The following CACNG2 variants were observed in gnomAD, a reference collection of about 807,000 sequenced individuals.
CACNG2 encodes voltage-dependent calcium channel gamma-2 subunit.
CACNG2 carries 3 observed loss-of-function variants against 25.9 expected under a neutral mutation model. That is an observed-to-expected ratio of 0.12 (90% CI 0.05 to 0.30). CACNG2 has a LOEUF of 0.30. CACNG2 is among the 10% of genes least tolerant of loss of function. The pLI is 1.00. For synonymous variants in CACNG2, 167 were observed against 173.3 expected (o/e 0.96, Z 0.29); for missense variants, 341 against 432.5 (o/e 0.79, Z 1.88).
chr22:36,684,501 A>G lies in CACNG2; in HGVS notation c.211+17865T>C, dbSNP rs1384330242. On this transcript the variant is annotated intron_variant, in intron 1 of 3. Coordinates refer to ENST00000300105, the MANE Select transcript of CACNG2 (RefSeq NM_006078.5). ...TGTGATGGTGCACCCCTGTAGTCTC[A>G]GCTCCTCAGGAGGCTCAGGTAGGAG... 2.6e-5 allele frequency among the ~76,000 whole-genome samples: 4 copies of G among 151,916 alleles called. No individual in the cohort carries two copies. The East Asian group carries it at 7.7e-4, about 29-fold the overall frequency.
rs1937060219 is a variant in CACNG2, at chr22:36,679,197, C to CTTTCTTTCTTT, written c.211+23168_211+23169insAAAGAAAGAAA. ...TCCTTCCTTCCTTCCTTCCTTCCTT[C>CTTTCTTTCTTT]CTTTCTTTCTTTCTTTCTTTCTTTC... is the stretch of plus-strand genomic sequence containing the variant. On this transcript the variant is annotated intron_variant, in intron 1 of 3. Coordinates refer to ENST00000300105, the MANE Select transcript of CACNG2 (RefSeq NM_006078.5). Among the ~76,000 whole-genome samples the CTTTCTTTCTTT allele has an allele frequency of 2.5e-3, 137 of 54,808 alleles. 2 individuals carry two copies. The highest frequency in any genetic ancestry group is 7.8e-3 in the African/African-American group (113 of 14,484). The allele number at this position is 54,808 out of a possible 152,430, so 36.0% of individuals were successfully genotyped here. A position where few individuals can be genotyped will look rare whatever the true frequency, so the allele number is the denominator to read the frequency against.
intron 1 of CACNG2, among the ~76,000 whole-genome samples, chr22:36,681,912 C>A (rs571240250): frequency 2.0e-5 from 3 of 152,310 alleles, no homozygotes; most frequent in African/African-American, 4.8e-5. Context: ...TTACTCCCCC[C>A]ACTCTCTATT....
intron 1 of CACNG2, among the ~76,000 whole-genome samples, chr22:36,681,723 C>A (rs1569051132): frequency 6.6e-6 from 1 of 152,112 alleles, no homozygotes; most frequent in Non-Finnish European, 1.5e-5. Flanking sequence ...CACCAATGAC[C>A]AACCTGAAAA....
intron 1 of CACNG2, among the ~76,000 whole-genome samples, chr22:36,632,485 TC>T (rs1936289496): frequency 6.6e-6 from 1 of 151,786 alleles, no homozygotes; most frequent in Admixed American, 6.6e-5. Flanking sequence ...TCTCTCTCTC[TC>T]TCTCTCTCTC....
rs899709198 is a variant in CACNG2 at position 36,642,776 on chromosome 22, T to C, written c.212-55228A>G. 3.9e-5 allele frequency among the ~76,000 whole-genome samples: 6 copies of C among 152,230 alleles called. No individual in the cohort carries two copies. The South Asian group carries it at 6.2e-4, about 16-fold the overall frequency. The stretch of plus-strand genomic sequence containing the variant: ...TGCCTGGCAAAGACTTGTGTAATCA[T>C]GGATAATTAGGATAGTGGTAGCAGA... On this transcript the variant is annotated intron_variant, in intron 1 of 3. Transcript: ENST00000300105.
Position 36,564,909 on chromosome 22 carries a change from GT to G in CACNG2, c.437-24del. On this transcript the variant is annotated intron_variant, in intron 3 of 3. Coordinates refer to ENST00000300105, the MANE Select transcript of CACNG2 (RefSeq NM_006078.5). This position sits in a 1 kb window ranked among gnomAD's most constrained non-coding sequence, Gnocchi z 6.7. Reference sequence around the variant, plus strand: ...GACCTGCGGGGCGCAGGGTGGCGGGGTGGGGGATCAGAGAGAAGGACGTTAG... The same window carrying G: ...GACCTGCGGGGCGCAGGGTGGCGGGGGGGGGATCAGAGAGAAGGACGTTAG... 6.2e-7 allele frequency: 1 copy of G among 1,603,934 alleles called. No individual in the cohort carries two copies. The highest frequency in any genetic ancestry group is 8.5e-7 in the Non-Finnish European group (1 of 1,177,062).
chr22:36,656,736 T>C (rs530358055), intron 1 of CACNG2, among the ~76,000 whole-genome samples: 4 of 152,340 alleles, frequency 2.6e-5, no homozygotes, highest in Admixed American at 2.6e-4. Flanking sequence ...ACGTTCCTGT[T>C]ACTTTCGCCT....
At chr22:36,570,657 G>T (rs932408773) in intron 2 of CACNG2, among the ~76,000 whole-genome samples, 5 of 151,912 alleles carry the variant, frequency 3.3e-5, no homozygotes, top group Admixed American at 2.0e-4. Flanking sequence ...CAGCTACTGG[G>T]GGTGCTGAGG....
At position 36,702,512 on chromosome 22, in the gene CACNG2, C is replaced by T; in HGVS notation, c.65G>A (p.Ser22Asn). The stretch of plus-strand genomic sequence containing the variant: ...GGTTCCCACAGCTATGGTCATCAGG[C>T]TGAAGGCAGCGAAAGCACCAACGGT... The part of the protein sequence containing the change: ...LTTVGAFAAF[S>N]LMTIAVGTDY... The change falls in exon 1 of 4, where the codon AGC becomes AAC. Residue 22 changes from serine (S) to asparagine (N), a missense_variant. This residue lies in a region of CACNG2 where 169 missense variants were observed against 254.4 expected (regional missense o/e 0.66). Coordinates refer to ENST00000300105, the MANE Select transcript of CACNG2 (RefSeq NM_006078.5). The T allele has an allele frequency of 6.2e-7, 1 of 1,614,132 alleles. No homozygotes were observed. The highest frequency in any genetic ancestry group is 8.5e-7 in the Non-Finnish European group (1 of 1,180,018).
intron 1 of CACNG2, among the ~76,000 whole-genome samples, chr22:36,650,108 G>A (rs749816139): frequency 6.6e-6 from 1 of 151,970 alleles, no homozygotes; most frequent in Non-Finnish European, 1.5e-5. Context: ...CCTCTCTCCC[G>A]CTGCCACCAA....
At chr22:36,660,629 C>T (rs1195929374) in intron 1 of CACNG2, among the ~76,000 whole-genome samples, 1 of 152,252 alleles carries the variant, frequency 6.6e-6, no homozygotes, top group African/African-American at 2.4e-5. Context: ...TGGCCCCCCA[C>T]CTTGCCCAGG....
chr22:36,601,487 C>A (rs1378156266), intron 1 of CACNG2, among the ~76,000 whole-genome samples: 1 of 151,410 alleles, frequency 6.6e-6, no homozygotes, highest in East Asian at 1.9e-4. Context: ...AGTGTAGATA[C>A]CTTTTTTATT....
intron 1 of CACNG2, among the ~76,000 whole-genome samples, chr22:36,648,550 G>A (rs963775635): frequency 6.6e-6 from 1 of 152,152 alleles, no homozygotes; most frequent in African/African-American, 2.4e-5. Context: ...GAACATGTGA[G>A]GTTCTCTCTG....
At chr22:36,601,514 G>T (rs756923777) in intron 1 of CACNG2, among the ~76,000 whole-genome samples, 7 of 151,230 alleles carry the variant, frequency 4.6e-5, no homozygotes, top group Non-Finnish European at 7.4e-5. Context: ...TTTTTTTTGG[G>T]ACAGGGTCTC....
At chr22:36,565,162 CTAA>C (rs1197438782) in intron 3 of CACNG2, among the ~76,000 whole-genome samples, 3 of 152,234 alleles carry the variant, frequency 2.0e-5, no homozygotes, top group Non-Finnish European at 4.4e-5. Flanking sequence ...CGCTGAGTAA[CTAA>C]TAATAGATAT....
intron 1 of CACNG2, among the ~76,000 whole-genome samples, chr22:36,621,844 G>A (rs576708387): frequency 3.3e-4 from 50 of 152,260 alleles, no homozygotes; most frequent in African/African-American, 1.2e-3. Context: ...TAACTAGAGC[G>A]GCATTAAAAA....
At chr22:36,636,091 T>TCAAAACTC (rs1364050608) in intron 1 of CACNG2, among the ~76,000 whole-genome samples, 1 of 152,106 alleles carries the variant, frequency 6.6e-6, no homozygotes, top group East Asian at 1.9e-4. Context: ...TTTCTCACCC[T>TCAAAACTC]CAAAACTCTT....
At chr22:36,573,632 T>C (rs1654685805) in intron 2 of CACNG2, among the ~76,000 whole-genome samples, 1 of 152,146 alleles carries the variant, frequency 6.6e-6, no homozygotes, top group Admixed American at 6.5e-5. Flanking sequence ...ACACATGGCC[T>C]ATATAGGTAT....
At chr22:36,637,534 G>A (rs1936376909) in intron 1 of CACNG2, among the ~76,000 whole-genome samples, 1 of 152,172 alleles carries the variant, frequency 6.6e-6, no homozygotes, top group Admixed American at 6.5e-5. Context: ...ATCTGGAGAC[G>A]GCAAAGGGAG....
Sources: allele counts gnomAD v4.1 joint callset (sites outside exome capture counted in the v4.1 genomes callset), GRCh38; gene constraint gnomAD v4.1.1; regional missense constraint gnomAD v4.1.1; non-coding constraint Gnocchi (gnomAD v3.1); transcripts MANE v1.5; gene names NCBI Gene and HGNC (gene_info 2026-07-23, HGNC 2026-07-21).